Variants in EPB41L4A observed in about 807,000 individuals in gnomAD.
EPB41L4A encodes erythrocyte membrane protein band 4.1 like 4A.
Under a neutral mutation model 108.6 loss-of-function variants are expected in EPB41L4A, and 100 were observed. That is an observed-to-expected ratio of 0.92 (90% CI 0.78 to 1.09). The LOEUF is 1.09. Ranked by LOEUF, EPB41L4A falls within the 50% of genes least tolerant of loss-of-function variation. The pLI, the probability that EPB41L4A is intolerant of heterozygous loss-of-function variation, is 0.00. For synonymous variants in EPB41L4A, 319 were observed against 289.0 expected, an observed-to-expected ratio of 1.10 and a Z score of -1.05; for missense variants, 1,030 against 842.7, an observed-to-expected ratio of 1.22 and a Z score of -2.75.
chr5:112,388,880 A>G (rs1760741035), intron 1 of EPB41L4A, among the ~76,000 whole-genome samples: 7 of 152,210 alleles, frequency 4.6e-5, no homozygotes, highest in Admixed American at 4.6e-4. Context: ...CACACTAACA[A>G]GGGAGTTTCC....
intron 9 of EPB41L4A, among the ~76,000 whole-genome samples, chr5:112,244,330 A>C (rs781707275): frequency 2.0e-5 from 3 of 152,198 alleles, no homozygotes; most frequent in Non-Finnish European, 4.4e-5. Context: ...CAGTAACATC[A>C]AAGATCACTG....
At chr5:112,212,232 G>T (rs572752674) in intron 12 of EPB41L4A, among the ~76,000 whole-genome samples, 31 of 152,114 alleles carry the variant, frequency 2.0e-4, no homozygotes, top group South Asian at 4.1e-4. Context: ...TGGGGCAGTG[G>T]CAGAAGGGAC....
chr5:112,203,163 G>C (rs116767308), intron 15 of EPB41L4A, among the ~76,000 whole-genome samples: 2 of 151,926 alleles, frequency 1.3e-5, no homozygotes, highest in African/African-American at 4.8e-5. Context: ...TCAGGAGTTC[G>C]AGACCAACGT....
At chr5:112,364,334 T>C (rs1580765293) in intron 1 of EPB41L4A, among the ~76,000 whole-genome samples, 2 of 152,228 alleles carry the variant, frequency 1.3e-5, no homozygotes, top group Admixed American at 6.5e-5. Flanking sequence ...CTGCCAATAT[T>C]TTCATGCAAA....
chr5:112,204,580 G>T, intron 14 of EPB41L4A, 92 bp from the exon 15 acceptor site: 1 of 729,190 alleles, frequency 1.4e-6, no homozygotes, highest in South Asian at 1.8e-5. Context: ...TGCACAGCTG[G>T]TACTTCCAGA....
chr5:112,301,531 G>C (rs1754362340), intron 2 of EPB41L4A, among the ~76,000 whole-genome samples: 1 of 152,154 alleles, frequency 6.6e-6, no homozygotes, highest in Admixed American at 6.5e-5. Context: ...ATGGATACCA[G>C]CACAGTATTT....
At chr5:112,358,070 G>A (rs1758479041) in intron 1 of EPB41L4A, among the ~76,000 whole-genome samples, 1 of 152,228 alleles carries the variant, frequency 6.6e-6, no homozygotes. Flanking sequence ...CGCTGACCTG[G>A]CCTTTGCCAA....
downstream of EPB41L4A, chr5:112,161,930 A>AC (rs2150179849): frequency 6.2e-6 from 1 of 161,148 alleles, no homozygotes; most frequent in East Asian, 1.8e-4. Context: ...GATAGCCTCC[A>AC]CAGCTTATTT....
chr5:112,156,631 T>A (rs1759657643), intron 12 of EPB41L4A, among the ~76,000 whole-genome samples: 1 of 152,158 alleles, frequency 6.6e-6, no homozygotes, highest in African/African-American at 2.4e-5. Flanking sequence ...CACCCAGAAA[T>A]AATGTTTAGC....
At chr5:112,181,918 G>T (rs142049287) in intron 18 of EPB41L4A, among the ~76,000 whole-genome samples, 5,025 of 151,932 alleles carry the variant, frequency 0.033, 311 homozygotes, top group African/African-American at 0.11. Context: ...ACTGAAAATA[G>T]AAAAATTAGT....
chr5:112,223,586 A>G (rs1748235350), intron 12 of EPB41L4A, among the ~76,000 whole-genome samples: 1 of 152,170 alleles, frequency 6.6e-6, no homozygotes, highest in Non-Finnish European at 1.5e-5. Context: ...GGGGTAAAAA[A>G]ACAGGTAAAT....
chr5:112,237,675 G>A (rs1316658521), intron 11 of EPB41L4A, among the ~76,000 whole-genome samples: 1 of 152,132 alleles, frequency 6.6e-6, no homozygotes, highest in African/African-American at 2.4e-5. Flanking sequence ...CTCAAGAAAG[G>A]GGCAGGCATA....
At chr5:112,186,639 G>A (rs979637664) in intron 17 of EPB41L4A, among the ~76,000 whole-genome samples, 1 of 152,204 alleles carries the variant, frequency 6.6e-6, no homozygotes, top group African/African-American at 2.4e-5. Flanking sequence ...CATTAAAAAT[G>A]TAAGAGCCTT....
chr5:112,164,915 T>TA lies in EPB41L4A; in HGVS notation c.*74dup, dbSNP rs1760138472. ...TGCAGGTCTGAGATTTGAATTAAGATACCTATTTCACAGTTTCAAAAGTAC... is the reference window on the plus strand; with the variant it reads ...TGCAGGTCTGAGATTTGAATTAAGATAACCTATTTCACAGTTTCAAAAGTAC... On this transcript the variant is annotated 3_prime_UTR_variant, in exon 23 of 23. Coordinates refer to ENST00000261486, the MANE Select transcript of EPB41L4A (RefSeq NM_022140.5). The TA allele has an allele frequency of 7.4e-7, 1 of 1,356,556 alleles. No individual in the cohort carries two copies. Among genetic ancestry groups the TA allele is most frequent in the East Asian group, 2.6e-5 (1 of 38,894 alleles). The allele number at this position is 1,356,556 out of a possible 1,614,324, so 84.0% of individuals were successfully genotyped here.
At chr5:112,337,323 T>C (rs1236222633) in intron 1 of EPB41L4A, among the ~76,000 whole-genome samples, 1 of 152,206 alleles carries the variant, frequency 6.6e-6, no homozygotes, top group Non-Finnish European at 1.5e-5. Flanking sequence ...CACAATCTAC[T>C]ATAAAATCCG....
At chr5:112,214,028 G>A (rs537685579) in intron 12 of EPB41L4A, among the ~76,000 whole-genome samples, 1 of 152,288 alleles carries the variant, frequency 6.6e-6, no homozygotes, top group South Asian at 2.1e-4. Flanking sequence ...AATCTGCAGA[G>A]GTGAGAAATT....
chr5:112,294,625 G>C (rs1258428188), intron 2 of EPB41L4A, among the ~76,000 whole-genome samples: 1 of 151,962 alleles, frequency 6.6e-6, no homozygotes, highest in Non-Finnish European at 1.5e-5. Context: ...TTTAAACAAG[G>C]AAAAATGATG....
intron 1 of EPB41L4A, among the ~76,000 whole-genome samples, chr5:112,308,314 G>A (rs75707762): frequency 0.018 from 2,666 of 152,216 alleles, 82 homozygotes; most frequent in African/African-American, 0.06. Context: ...TAATAAAGGA[G>A]GGCTTTTGTT....
chr5:112,221,236 T>A (rs999518219), intron 12 of EPB41L4A, among the ~76,000 whole-genome samples: 1 of 152,212 alleles, frequency 6.6e-6, no homozygotes. Flanking sequence ...CATCATGGAC[T>A]GCCTCTAGCC....
Sources: gnomAD v4.1 joint callset for allele counts (sites outside exome capture counted in the v4.1 genomes callset) on GRCh38, gnomAD v4.1.1 for gene constraint, MANE v1.5 for transcripts, NCBI Gene and HGNC (gene_info 2026-07-23, HGNC 2026-07-21) for gene names.